The following LGR5 variants were observed in gnomAD, a reference collection of about 807,000 sequenced individuals.
The protein encoded by LGR5 is leucine-rich repeat-containing G protein-coupled receptor 5.
In LGR5, 54 loss-of-function variants were observed where a neutral mutation model predicts 76.7. The ratio of observed to expected loss-of-function variants is 0.70; its 90% CI spans 0.57 to 0.88. The LOEUF (loss-of-function observed/expected upper bound fraction) is 0.88, where lower values mean the gene tolerates loss of function less well. LGR5 is among the 40% of genes least tolerant of loss of function. The probability of loss-of-function intolerance (pLI) is 0.00; values close to 1 mark genes in which losing one functional copy is unlikely to be tolerated. For missense variants in LGR5, 1,078 were observed against 1,073.3 expected, an observed-to-expected ratio of 1.00 and a Z score of -0.06; for synonymous variants, 406 against 421.9, an observed-to-expected ratio of 0.96 and a Z score of 0.46.
chr12:71,536,332 CT>C (rs1876583722), intron 4 of LGR5, among the ~76,000 whole-genome samples: 1 of 152,130 alleles, frequency 6.6e-6, no homozygotes, highest in Non-Finnish European at 1.5e-5. Context: ...GTCCTTTGAT[CT>C]TTTTTTCTTT....
intron 1 of LGR5, among the ~76,000 whole-genome samples, chr12:71,475,452 A>C (rs573927969): frequency 6.6e-6 from 1 of 152,132 alleles, no homozygotes; most frequent in Non-Finnish European, 1.5e-5. Context: ...TCAACGTGAC[A>C]TATGAGGCCA....
chr12:71,468,342 T>C (rs1345636852), intron 1 of LGR5, among the ~76,000 whole-genome samples: 1 of 152,018 alleles, frequency 6.6e-6, no homozygotes, highest in Non-Finnish European at 1.5e-5. Flanking sequence ...AGAATGTCTC[T>C]ACCCAAAGCT....
chr12:71,561,841 T>C lies in LGR5; in HGVS notation c.846T>C (p.Ser282=). The C allele has an allele frequency of 6.3e-7, 1 of 1,594,246 alleles. No individual in the cohort carries two copies. The highest frequency in any genetic ancestry group is 1.8e-4 in the Middle Eastern group (1 of 5,692). The part of the protein sequence containing the change: ...IPEKAFVGNP[S]LITIHFYDNP... ...AGAAAGCATTTGTAGGCAACCCTTC[T>C]CTTATTACAATGTAAGTGACCATAA... The change falls in exon 8 of 18, where the codon TCT becomes TCC. Residue 282 remains serine, a synonymous_variant. Coordinates refer to ENST00000266674, the MANE Select transcript of LGR5 (RefSeq NM_003667.4).
intron 1 of LGR5, among the ~76,000 whole-genome samples, chr12:71,472,222 C>G (rs74101841): frequency 5.3e-5 from 8 of 152,326 alleles, no homozygotes; most frequent in African/African-American, 1.9e-4. Context: ...TTTTTACTTA[C>G]TCATATACTA....
chr12:71,525,563 T>C (rs992651143), intron 3 of LGR5, among the ~76,000 whole-genome samples: 18 of 151,994 alleles, frequency 1.2e-4, no homozygotes, highest in Non-Finnish European at 2.4e-4. Flanking sequence ...ATTCAAAATG[T>C]ATCGTGAGAG....
At chr12:71,476,321 A>G (rs1464292209) in intron 1 of LGR5, among the ~76,000 whole-genome samples, 1 of 152,238 alleles carries the variant, frequency 6.6e-6, no homozygotes, top group African/African-American at 2.4e-5. Context: ...CATGTTCTTC[A>G]TAGGCATACA....
intron 4 of LGR5, among the ~76,000 whole-genome samples, chr12:71,545,204 C>T (rs944885544): frequency 3.3e-5 from 5 of 152,128 alleles, no homozygotes; most frequent in South Asian, 2.1e-4. Flanking sequence ...CTAACACTTT[C>T]GGAGGCCAAG....
At chr12:71,578,745 A>C in intron 14 of LGR5, 59 bp from the exon 15 acceptor site, 2 of 1,478,900 alleles carry the variant, frequency 1.4e-6, no homozygotes, top group Non-Finnish European at 1.8e-6. Context: ...TGTTTTTTTT[A>C]ACATAAACGT....
chr12:71,552,544 G>A (rs560428683), intron 4 of LGR5, among the ~76,000 whole-genome samples: 86 of 147,040 alleles, frequency 5.8e-4, no homozygotes, highest in South Asian at 2.2e-3. Flanking sequence ...CAGCCTGGGC[G>A]ACAAGAGCGA....
chr12:71,537,292 C>T (rs976040060), intron 4 of LGR5, among the ~76,000 whole-genome samples: 3 of 151,822 alleles, frequency 2.0e-5, no homozygotes, highest in Non-Finnish European at 4.4e-5. Context: ...CCCCCACTGC[C>T]ATCTCTACAA....
intron 13 of LGR5, among the ~76,000 whole-genome samples, chr12:71,573,739 A>T (rs904177482): frequency 6.6e-6 from 1 of 152,062 alleles, no homozygotes; most frequent in Non-Finnish European, 1.5e-5. Context: ...AAATAATACT[A>T]TTCCTCAAAA....
intron 1 of LGR5, among the ~76,000 whole-genome samples, chr12:71,461,262 G>C (rs1169572449): frequency 3.9e-5 from 6 of 152,024 alleles, no homozygotes; most frequent in Non-Finnish European, 8.8e-5. Context: ...TTTATCTCCT[G>C]GGAATGATAG....
At chr12:71,542,441 G>A (rs1251673392) in intron 4 of LGR5, among the ~76,000 whole-genome samples, 1 of 152,142 alleles carries the variant, frequency 6.6e-6, no homozygotes, top group African/African-American at 2.4e-5. Flanking sequence ...AAGGATTTCA[G>A]TCTTTACTGT....
chr12:71,498,443 C>T (rs1874435849), intron 1 of LGR5, among the ~76,000 whole-genome samples: 2 of 152,166 alleles, frequency 1.3e-5, no homozygotes, highest in Admixed American at 6.5e-5. Context: ...CTCTGGGGGT[C>T]AGCTCCCTCA....
intron 13 of LGR5, among the ~76,000 whole-genome samples, chr12:71,576,031 T>C (rs1300117099): frequency 6.6e-6 from 1 of 151,990 alleles, no homozygotes; most frequent in Non-Finnish European, 1.5e-5. Context: ...AAGTGGGAGC[T>C]GAACAATAAG....
At chr12:71,481,836 G>C (rs536841205) in intron 1 of LGR5, among the ~76,000 whole-genome samples, 2 of 152,022 alleles carry the variant, frequency 1.3e-5, no homozygotes, top group East Asian at 3.9e-4. Flanking sequence ...TGCCTGGGGG[G>C]TATTTTCTGT....
At chr12:71,445,789 G>A (rs1871963065) in intron 1 of LGR5, among the ~76,000 whole-genome samples, 1 of 152,214 alleles carries the variant, frequency 6.6e-6, no homozygotes, top group Non-Finnish European at 1.5e-5. Flanking sequence ...CAGGATGTTA[G>A]CATTAGTGGA....
At chr12:71,537,282 C>A (rs191412480) in intron 4 of LGR5, among the ~76,000 whole-genome samples, 3 of 151,156 alleles carry the variant, frequency 2.0e-5, no homozygotes, top group East Asian at 1.9e-4. Context: ...TAGTGAGACA[C>A]CCCCACTGCC....
chr12:71,525,989 TC>T (rs978070641), intron 3 of LGR5, among the ~76,000 whole-genome samples: 2 of 152,012 alleles, frequency 1.3e-5, no homozygotes, highest in Non-Finnish European at 2.9e-5. Context: ...AATGTTTGTT[TC>T]CCACAATGCA....
Sources: allele counts gnomAD v4.1 joint callset (sites outside exome capture counted in the v4.1 genomes callset), GRCh38; gene constraint gnomAD v4.1.1; transcripts MANE v1.5; gene names NCBI Gene and HGNC (gene_info 2026-07-23, HGNC 2026-07-21).